KDM4C: variants seen among roughly 807,000 people sequenced by gnomAD.
KDM4C encodes the protein lysine-specific demethylase 4C.
Under a neutral mutation model 129.3 loss-of-function variants are expected in KDM4C, and 81 were observed. That is an observed-to-expected ratio of 0.63 (90% CI 0.52 to 0.75). The LOEUF (loss-of-function observed/expected upper bound fraction) is 0.75, where lower values mean the gene tolerates loss of function less well. Among genes scored for constraint, KDM4C ranks in the 30% least tolerant of loss-of-function variants. The pLI is 0.00. For missense variants in KDM4C, 1,457 were observed against 1,304.0 expected (o/e 1.12, Z -1.81); for synonymous variants, 573 against 456.1 (o/e 1.26, Z -3.26).
intron 10 of KDM4C, among the ~76,000 whole-genome samples, chr9:6,985,602 C>T (rs2381526): frequency 0.56 from 84,556 of 152,076 alleles, 23,994 homozygotes; most frequent in South Asian, 0.73. Context: ...GATAGCAAGG[C>T]AGAGAAGGTA....
At chr9:7,061,234 T>C (rs1260549410) in intron 17 of KDM4C, among the ~76,000 whole-genome samples, 1 of 152,224 alleles carries the variant, frequency 6.6e-6, no homozygotes, top group Non-Finnish European at 1.5e-5. Context: ...TATGTTATTA[T>C]TGCTTTGTAA....
At chr9:7,080,821 G>A (rs1180512408) in intron 17 of KDM4C, among the ~76,000 whole-genome samples, 1 of 152,128 alleles carries the variant, frequency 6.6e-6, no homozygotes, top group Non-Finnish European at 1.5e-5. Flanking sequence ...TAACATTCAA[G>A]GCGCGTTATA....
chr9:7,005,435 CAA>C (rs35671520), intron 12 of KDM4C, among the ~76,000 whole-genome samples: 53 of 124,056 alleles, frequency 4.3e-4, no homozygotes, highest in African/African-American at 1.1e-3. Flanking sequence ...AACTCTGTCT[CAA>C]AAAAAAAAAA....
intron 19 of KDM4C, 32 bp from the exon 20 acceptor site, chr9:7,165,206 T>G: frequency 6.2e-7 from 1 of 1,610,296 alleles, no homozygotes; most frequent in Non-Finnish European, 8.5e-7. Context: ...TAGGCACTCC[T>G]TTTGAAAAGC....
intron 17 of KDM4C, 99 bp from the exon 18 acceptor site, chr9:7,103,586 T>G: frequency 1.1e-6 from 1 of 887,838 alleles, no homozygotes; most frequent in East Asian, 2.7e-5. Context: ...AGTTGTTTTT[T>G]TTTTTTTTTC....
At chr9:7,078,820 G>A (rs1834209218) in intron 17 of KDM4C, among the ~76,000 whole-genome samples, 1 of 152,174 alleles carries the variant, frequency 6.6e-6, no homozygotes, top group Non-Finnish European at 1.5e-5. Flanking sequence ...CACTGGAGGT[G>A]TCCATGAGCA....
At chr9:7,170,529 C>T (rs1032959480) in intron 21 of KDM4C, 2 of 966,942 alleles carry the variant, frequency 2.1e-6, no homozygotes, top group African/African-American at 3.5e-5. Context: ...AAACTGCAGT[C>T]ATTGAAAAAT....
rs144162643 is a variant in KDM4C at position 6,884,882 on chromosome 9, A to T, written c.680-3078A>T. ...CAATAGCTAATATATTATAAACTAT[A>T]AACCAGTTGACAGTATAGAGAACTT... On this transcript the variant is annotated intron_variant, in intron 6 of 21. Coordinates refer to ENST00000381309, the MANE Select transcript of KDM4C (RefSeq NM_015061.6). Among the ~76,000 whole-genome samples the T allele has an allele frequency of 1.5e-3, 227 of 152,374 alleles. 3 individuals carry two copies. The East Asian group carries it at 0.038, about 26-fold the overall frequency.
At chr9:6,942,035 G>A (rs3818895) in intron 8 of KDM4C, among the ~76,000 whole-genome samples, 39,427 of 151,968 alleles carry the variant, frequency 0.26, 5,561 homozygotes, top group South Asian at 0.42. Context: ...CTTTTAAAAA[G>A]GGCTCTTTTA....
At chr9:7,062,546 T>G (rs1158647114) in intron 17 of KDM4C, among the ~76,000 whole-genome samples, 1 of 151,936 alleles carries the variant, frequency 6.6e-6, no homozygotes, top group Non-Finnish European at 1.5e-5. Flanking sequence ...CACTACTATT[T>G]CCAGCTAATT....
At position 6,879,466 on chromosome 9, in the gene KDM4C, T is replaced by C. The variant is rs568305181; in HGVS notation, c.630-546T>C. Among the ~76,000 whole-genome samples, 8 of 152,324 alleles carry C rather than the reference T, an allele frequency of 5.3e-5. No individual in the cohort carries two copies. The East Asian group carries it at 1.5e-3, about 29-fold the overall frequency. On this transcript the variant is annotated intron_variant, in intron 5 of 21. Coordinates refer to ENST00000381309, the MANE Select transcript of KDM4C (RefSeq NM_015061.6). Reference sequence around the variant, plus strand: ...TTTAAGGCTGATAATCTTTTGCTTATTAAAGTCTGTTTGAAAATTACGGTG... The same window carrying C: ...TTTAAGGCTGATAATCTTTTGCTTACTAAAGTCTGTTTGAAAATTACGGTG...
chr9:7,036,153 A>T lies in KDM4C; in HGVS notation c.2260-10709A>T, dbSNP rs536780510. On this transcript the variant is annotated intron_variant, in intron 15 of 21. Transcript: ENST00000381309. ...TTTCCCATTTATTTGTATCTCCTTC[A>T]GTTTCTTTCTTCATTTTTTTATAGT... 2.0e-5 allele frequency among the ~76,000 whole-genome samples: 3 copies of T among 151,982 alleles called. No individual in the cohort carries two copies. The South Asian group carries it at 6.2e-4, about 32-fold the overall frequency.
At chr9:7,024,911 C>T (rs953116564) in intron 15 of KDM4C, among the ~76,000 whole-genome samples, 5 of 152,148 alleles carry the variant, frequency 3.3e-5, no homozygotes, top group African/African-American at 7.2e-5. Flanking sequence ...ATCGCCACAC[C>T]AACTTCCACA....
At chr9:7,061,445 G>C (rs950905681) in intron 17 of KDM4C, among the ~76,000 whole-genome samples, 4 of 152,188 alleles carry the variant, frequency 2.6e-5, no homozygotes, top group African/African-American at 9.6e-5. Flanking sequence ...ATCCTTGGTT[G>C]CTTGCCCATT....
chr9:7,114,196 A>G (rs371279261), intron 18 of KDM4C, among the ~76,000 whole-genome samples: 3 of 152,124 alleles, frequency 2.0e-5, no homozygotes, highest in African/African-American at 7.2e-5. Flanking sequence ...GGTTCATGGT[A>G]GTTAACATCT....
rs1248884663 is a variant in KDM4C at position 7,061,239 on chromosome 9, T to G, written c.2424+12039T>G. Among the ~76,000 whole-genome samples the G allele has an allele frequency of 3.3e-5, 5 of 152,216 alleles. No homozygotes were observed. In the East Asian group the frequency reaches 7.7e-4, roughly 23 times the overall value. ...ATTGAGGGTTTATGTTATTATTGCTTTGTAAACACAATTTATTCATAGTTG... is the reference window on the plus strand; with the variant it reads ...ATTGAGGGTTTATGTTATTATTGCTGTGTAAACACAATTTATTCATAGTTG... On this transcript the variant is annotated intron_variant, in intron 17 of 21. Coordinates refer to ENST00000381309, the MANE Select transcript of KDM4C (RefSeq NM_015061.6).
At chr9:7,076,924 G>A in intron 17 of KDM4C, 1 of 986,390 alleles carries the variant, frequency 1.0e-6, no homozygotes, top group Non-Finnish European at 1.2e-6. Flanking sequence ...TATAATAGGA[G>A]TCTCAGAAGT....
intron 18 of KDM4C, chr9:7,105,506 T>C (rs1202808615): frequency 2.1e-6 from 1 of 469,180 alleles, no homozygotes; most frequent in African/African-American, 2.0e-5. Flanking sequence ...GCCACGTGAG[T>C]AGTGTTTTTC....
rs762958076 is a variant in KDM4C at position 6,849,495 on chromosome 9, C to G, written c.436-12C>G. 54 of 1,504,828 alleles carry G rather than the reference C, an allele frequency of 3.6e-5. No homozygotes were observed. Among genetic ancestry groups the G allele is most frequent in the Middle Eastern group, 1.8e-4 (1 of 5,658 alleles). 93.2% of individuals were successfully genotyped at this position (1,504,828 alleles called of 1,614,324 possible). Reference sequence around the variant, plus strand: ...ATTTGATTTCTCTCTCTTTTTTTCTCTCTCATTCCAGGGTGTGGATGAATG... The same window carrying G: ...ATTTGATTTCTCTCTCTTTTTTTCTGTCTCATTCCAGGGTGTGGATGAATG... On this transcript the variant is annotated splice_polypyrimidine_tract_variant and intron_variant, in intron 4 of 21. Transcript: ENST00000381309.
Sources: allele counts gnomAD v4.1 joint callset (sites outside exome capture counted in the v4.1 genomes callset), GRCh38; gene constraint gnomAD v4.1.1; transcripts MANE v1.5; gene names NCBI Gene and HGNC (gene_info 2026-07-23, HGNC 2026-07-21).